The following ZNF804B variants were observed in gnomAD, a reference collection of about 807,000 sequenced individuals.
ZNF804B encodes the protein zinc finger 804B.
A neutral mutation model predicts 101.4 loss-of-function variants in ZNF804B; 80 were observed. That is an observed-to-expected ratio of 0.79 (90% confidence interval 0.66 to 0.95). The LOEUF (loss-of-function observed/expected upper bound fraction) is 0.95. Ranked by LOEUF, ZNF804B falls within the 40% of genes least tolerant of loss-of-function variation. The pLI, the probability that ZNF804B is intolerant of heterozygous loss-of-function variation, is 0.00. For synonymous variants in ZNF804B, 622 were observed against 558.8 expected (o/e 1.11, Z -1.59); for missense variants, 1,673 against 1,561.9 (o/e 1.07, Z -1.20).
At chr7:88,841,586 T>C (rs933479456) in intron 1 of ZNF804B, among the ~76,000 whole-genome samples, 2 of 152,190 alleles carry the variant, frequency 1.3e-5, no homozygotes, top group Non-Finnish European at 2.9e-5. Flanking sequence ...GATTTCAGTT[T>C]GTGTCCTTTC....
chr7:89,106,544 C>T (rs1008909061), intron 1 of ZNF804B, among the ~76,000 whole-genome samples: 1 of 152,034 alleles, frequency 6.6e-6, no homozygotes, highest in Non-Finnish European at 1.5e-5. Context: ...TGATCTATTA[C>T]ACTTCTGAAT....
intron 1 of ZNF804B, among the ~76,000 whole-genome samples, chr7:89,120,657 CAAA>C (rs10636811): frequency 9.7e-6 from 1 of 103,326 alleles, no homozygotes; most frequent in Non-Finnish European, 1.8e-5. Flanking sequence ...GACTCCGCCT[CAAA>C]AAAAAAAAAA....
At chr7:89,221,556 C>A (rs963254615) in intron 2 of ZNF804B, among the ~76,000 whole-genome samples, 1 of 151,902 alleles carries the variant, frequency 6.6e-6, no homozygotes, top group Admixed American at 6.6e-5. Flanking sequence ...TGGGGTGAAT[C>A]TTCCATATCA....
chr7:88,964,215 A>G (rs920553479), intron 1 of ZNF804B, among the ~76,000 whole-genome samples: 1 of 151,484 alleles, frequency 6.6e-6, no homozygotes, highest in African/African-American at 2.4e-5. Context: ...GAACTTGAAC[A>G]GATATTTTTA....
At chr7:88,809,387 C>T (rs1211261383) in intron 1 of ZNF804B, among the ~76,000 whole-genome samples, 1 of 151,846 alleles carries the variant, frequency 6.6e-6, no homozygotes, top group South Asian at 2.1e-4. Flanking sequence ...ACTTACTTAC[C>T]AATCTACCAA....
At chr7:88,867,197 G>C (rs935184635) in intron 1 of ZNF804B, among the ~76,000 whole-genome samples, 5 of 152,192 alleles carry the variant, frequency 3.3e-5, no homozygotes, top group Non-Finnish European at 5.9e-5. Context: ...ATATATATGA[G>C]AGAGGCGATT....
intron 1 of ZNF804B, among the ~76,000 whole-genome samples, chr7:88,995,510 C>A (rs576277230): frequency 1.3e-5 from 2 of 152,122 alleles, no homozygotes; most frequent in African/African-American, 2.4e-5. Flanking sequence ...TTGTACAAAT[C>A]AGGCACATTG....
At chr7:89,239,254 G>A (rs1449087923) in intron 2 of ZNF804B, among the ~76,000 whole-genome samples, 2 of 152,150 alleles carry the variant, frequency 1.3e-5, no homozygotes, top group East Asian at 3.9e-4. Context: ...CAGGTGTGTG[G>A]GTCAGCAGAG....
chr7:89,081,583 GA>G (rs1374591456), intron 1 of ZNF804B, among the ~76,000 whole-genome samples: 2 of 151,672 alleles, frequency 1.3e-5, no homozygotes, highest in African/African-American at 4.8e-5. Context: ...AGATAAAAAA[GA>G]AAAACAGGTC....
intron 1 of ZNF804B, among the ~76,000 whole-genome samples, chr7:89,124,343 A>G (rs1300788008): frequency 6.6e-6 from 1 of 152,174 alleles, no homozygotes; most frequent in Non-Finnish European, 1.5e-5. Flanking sequence ...AGAGCTAATC[A>G]TGGTGATGGG....
intron 1 of ZNF804B, among the ~76,000 whole-genome samples, chr7:88,766,591 T>A (rs1311321659): frequency 1.3e-5 from 2 of 152,170 alleles, no homozygotes; most frequent in African/African-American, 4.8e-5. Context: ...GGATAGGAAT[T>A]GATGTTGGCC....
At chr7:89,277,651 C>T (rs1790009443) in intron 2 of ZNF804B, among the ~76,000 whole-genome samples, 1 of 151,460 alleles carries the variant, frequency 6.6e-6, no homozygotes, top group Admixed American at 6.6e-5. Flanking sequence ...TTTCCAATTT[C>T]ATCCATGTCC....
intron 1 of ZNF804B, among the ~76,000 whole-genome samples, chr7:89,020,348 A>AT (rs987867379): frequency 2.0e-5 from 3 of 151,844 alleles, no homozygotes; most frequent in Non-Finnish European, 4.4e-5. Flanking sequence ...TTCACTTTCA[A>AT]TTTTTTGTCT....
intron 1 of ZNF804B, among the ~76,000 whole-genome samples, chr7:88,814,018 CT>C (rs1790835057): frequency 6.6e-6 from 1 of 152,100 alleles, no homozygotes; most frequent in African/African-American, 2.4e-5. Context: ...TAAGACACTT[CT>C]GGAAGTGTGA....
At chr7:89,026,366 G>A (rs1207446262) in intron 1 of ZNF804B, among the ~76,000 whole-genome samples, 3 of 152,150 alleles carry the variant, frequency 2.0e-5, no homozygotes, top group Non-Finnish European at 4.4e-5. Flanking sequence ...TATACAAAGA[G>A]CTGGGACACG....
intron 2 of ZNF804B, among the ~76,000 whole-genome samples, chr7:89,313,840 T>C (rs1344229646): frequency 6.6e-6 from 1 of 152,168 alleles, no homozygotes; most frequent in Non-Finnish European, 1.5e-5. Flanking sequence ...TCTGCAACTG[T>C]CCTTTATTGC....
chr7:88,844,570 T>A (rs1339150235), intron 1 of ZNF804B, among the ~76,000 whole-genome samples: 1 of 152,188 alleles, frequency 6.6e-6, no homozygotes, highest in Non-Finnish European at 1.5e-5. Flanking sequence ...TGATTCTTCA[T>A]AAGTGATTCT....
intron 3 of ZNF804B, among the ~76,000 whole-genome samples, chr7:89,329,329 A>C (rs801836): frequency 0.2 from 29,961 of 151,636 alleles, 3,756 homozygotes; most frequent in African/African-American, 0.36. Context: ...GCTTAAACAG[A>C]CTCATGGTTG....
chr7:89,228,766 A>T (rs1351900202), intron 2 of ZNF804B, among the ~76,000 whole-genome samples: 1 of 152,172 alleles, frequency 6.6e-6, no homozygotes, highest in Non-Finnish European at 1.5e-5. Context: ...CCATGCGCCC[A>T]CACTCCTCAG....
Sources: allele counts gnomAD v4.1 joint callset (sites outside exome capture counted in the v4.1 genomes callset), GRCh38; gene constraint gnomAD v4.1.1; transcripts MANE v1.5; gene names NCBI Gene and HGNC (gene_info 2026-07-23, HGNC 2026-07-21).